Variants in NFATC3 observed in about 807,000 individuals in gnomAD.
NFATC3 encodes nuclear factor of activated T cells 3.
A neutral mutation model predicts 98.6 loss-of-function variants in NFATC3; 46 were observed. The observed-to-expected ratio is 0.47, with a 90% CI of 0.37 to 0.60. NFATC3 has a LOEUF of 0.60. NFATC3 is among the 20% of genes least tolerant of loss of function. The pLI is 0.00. For synonymous variants in NFATC3, 512 were observed against 472.2 expected (o/e 1.08, Z -1.09); for missense variants, 1,256 against 1,295.5 (o/e 0.97, Z 0.47).
At chr16:68,156,270 G>A (rs1325266217) in intron 3 of NFATC3, among the ~76,000 whole-genome samples, 1 of 152,144 alleles carries the variant, frequency 6.6e-6, no homozygotes, top group Admixed American at 6.5e-5. Context: ...GGCTGAGATC[G>A]TGTCACTGCA....
intron 6 of NFATC3, among the ~76,000 whole-genome samples, chr16:68,178,545 G>T (rs915460364): frequency 3.3e-5 from 5 of 152,156 alleles, no homozygotes; most frequent in Admixed American, 1.3e-4. Flanking sequence ...CATTGTAGTG[G>T]GGGAAGCACC....
In NFATC3 at chr16:68,191,059, C is replaced by T. The variant is rs2040405707; in HGVS notation, c.2390C>T (p.Pro797Leu). The T allele has an allele frequency of 1.2e-6, 2 of 1,614,224 alleles. No individual in the cohort carries two copies. The highest frequency in any genetic ancestry group is 8.5e-7 in the Non-Finnish European group (1 of 1,180,040). ...HQPFQVTPTP[P>L]VGSSYQPMQT... ...CCTTTTCAAGTCACACCAACACCTC[C>T]TGTGGGGTCTTCCTATCAGCCTATG... Residue 797 changes from proline (P) to leucine (L), a missense_variant, in exon 9 of 10, where the codon CCT (proline) becomes CTT (leucine). Around this residue, in one of 3 missense-constraint regions of NFATC3, gnomAD observed 636 missense variants for 617.3 expected, o/e 1.03. Transcript: ENST00000346183.
intron 1 of NFATC3, among the ~76,000 whole-genome samples, chr16:68,099,286 T>C (rs2035211137): frequency 6.6e-6 from 1 of 151,930 alleles, no homozygotes; most frequent in Admixed American, 6.5e-5. Flanking sequence ...ATACAAAAAA[T>C]TAGCCGGCTG....
At chr16:68,132,469 A>G (rs896168890) in intron 3 of NFATC3, among the ~76,000 whole-genome samples, 1 of 152,246 alleles carries the variant, frequency 6.6e-6, no homozygotes, top group Non-Finnish European at 1.5e-5. Context: ...TAGTATAGCC[A>G]TGATGGAAAA....
chr16:68,144,576 C>T (rs757202810), intron 3 of NFATC3, among the ~76,000 whole-genome samples: 5 of 152,130 alleles, frequency 3.3e-5, no homozygotes, highest in Non-Finnish European at 5.9e-5. Context: ...AACTCCTGAG[C>T]TCAAGCGATC....
At chr16:68,201,957 CAAAAAAA>C (rs778770193) in intron 9 of NFATC3, among the ~76,000 whole-genome samples, 7 of 23,650 alleles carry the variant, frequency 3.0e-4, no homozygotes, top group South Asian at 3.9e-3. Context: ...GACTCCATCT[CAAAAAAA>C]AAAAAAAAAA....
At chr16:68,171,851 C>T (rs2039478234) in intron 5 of NFATC3, among the ~76,000 whole-genome samples, 1 of 151,632 alleles carries the variant, frequency 6.6e-6, no homozygotes, top group Admixed American at 6.6e-5. Context: ...TGCAGTGGCG[C>T]GATCTCGGCT....
At chr16:68,181,594 T>C in intron 7 of NFATC3, 64 bp downstream of exon 7, 1 of 1,203,336 alleles carries the variant, frequency 8.3e-7, no homozygotes, top group South Asian at 1.2e-5. Context: ...TGAATAATGC[T>C]GCTTTATGGT....
chr16:68,208,868 A>G (rs2041258494), intron 9 of NFATC3, among the ~76,000 whole-genome samples: 1 of 152,078 alleles, frequency 6.6e-6, no homozygotes, highest in African/African-American at 2.4e-5. Context: ...TAGTGCTAAC[A>G]TTTTTTTGTC....
At chr16:68,164,272 TGCGCCTGCAATC>T (rs1567528761) in intron 4 of NFATC3, among the ~76,000 whole-genome samples, 2 of 152,060 alleles carry the variant, frequency 1.3e-5, no homozygotes, top group African/African-American at 2.4e-5. Context: ...TGTGGCGGCG[TGCGCCTGCAATC>T]GCAGGCTGAG....
At chr16:68,126,343 T>A in intron 2 of NFATC3, 105 bp from the exon 3 acceptor site, 1 of 1,065,026 alleles carries the variant, frequency 9.4e-7, no homozygotes. Flanking sequence ...ATACATTGTT[T>A]CAAAGATCAA....
intron 9 of NFATC3, among the ~76,000 whole-genome samples, chr16:68,218,730 G>A (rs1307683715): frequency 6.6e-6 from 1 of 150,574 alleles, no homozygotes; most frequent in Non-Finnish European, 1.5e-5. Flanking sequence ...CTGCCGCCAC[G>A]CCCAGCTAAT....
At chr16:68,129,629 T>G (rs2037016742) in intron 3 of NFATC3, among the ~76,000 whole-genome samples, 1 of 151,804 alleles carries the variant, frequency 6.6e-6, no homozygotes, top group South Asian at 2.1e-4. Context: ...TCTTGAACCC[T>G]TGGCCTCAAA....
Position 68,085,585 on chromosome 16 carries a change from C to A in NFATC3, c.-97C>A. The A allele has an allele frequency of 9.1e-7, 1 of 1,101,418 alleles. No individual in the cohort carries two copies. Among genetic ancestry groups the A allele is most frequent in the Non-Finnish European group, 1.2e-6 (1 of 812,620 alleles). The allele number at this position is 1,101,418 out of a possible 1,614,324, so 68.2% of individuals were successfully genotyped here. On this transcript the variant is annotated 5_prime_UTR_variant, in exon 1 of 10. Transcript: ENST00000346183. ...TGGAGTCGCGACCTCTTGGCCCGCGCGGCCCGGCATGAAGCGGCGTTGAGG... is the reference window on the plus strand; with the variant it reads ...TGGAGTCGCGACCTCTTGGCCCGCGAGGCCCGGCATGAAGCGGCGTTGAGG...
At chr16:68,190,087 T>C (rs1163454490) in intron 8 of NFATC3, among the ~76,000 whole-genome samples, 3 of 152,236 alleles carry the variant, frequency 2.0e-5, no homozygotes, top group Non-Finnish European at 2.9e-5. Context: ...TTCAGATGTT[T>C]ATTGCTAGTT....
intron 9 of NFATC3, among the ~76,000 whole-genome samples, chr16:68,208,468 T>C (rs1233210120): frequency 6.6e-6 from 1 of 152,154 alleles, no homozygotes; most frequent in Non-Finnish European, 1.5e-5. Flanking sequence ...CCCAGCACTT[T>C]GGGAGGCTGA....
At chr16:68,218,899 A>T (rs1169710285) in intron 9 of NFATC3, among the ~76,000 whole-genome samples, 1 of 151,856 alleles carries the variant, frequency 6.6e-6, no homozygotes, top group Non-Finnish European at 1.5e-5. Flanking sequence ...ATAATTGCAT[A>T]CATGTAGGCT....
In NFATC3 at chr16:68,183,329, GA is replaced by G; in HGVS notation, c.2068del (p.Ser690AlafsTer12). On this transcript the variant is annotated frameshift_variant, in exon 8 of 10. Coordinates refer to ENST00000346183, the MANE Select transcript of NFATC3 (RefSeq NM_173165.3). LOFTEE classifies it high-confidence loss of function. ...ACTTTTATCTTTGCAATGGCAAGAGGAAAAAAAGCCAGTCTCAACGTTTTAC... is the reference window on the plus strand; with the variant it reads ...ACTTTTATCTTTGCAATGGCAAGAGGAAAAAAGCCAGTCTCAACGTTTTAC... ...VHFYLCNGKR[K>X]KSQSQRFTYT... 2 of 1,613,268 alleles carry G rather than the reference GA, an allele frequency of 1.2e-6. No individual in the cohort carries two copies. The highest frequency in any genetic ancestry group is 8.5e-7 in the Non-Finnish European group (1 of 1,179,810).
At chr16:68,192,380 C>A (rs866289482) in intron 9 of NFATC3, among the ~76,000 whole-genome samples, 1 of 145,434 alleles carries the variant, frequency 6.9e-6, no homozygotes, top group African/African-American at 2.5e-5. Context: ...TATGAAAATC[C>A]ATGCCTTAGC....
Sources: allele counts gnomAD v4.1 joint callset (sites outside exome capture counted in the v4.1 genomes callset), GRCh38; gene constraint gnomAD v4.1.1; regional missense constraint gnomAD v4.1.1; transcripts MANE v1.5; gene names NCBI Gene and HGNC (gene_info 2026-07-23, HGNC 2026-07-21).